Variants in ABI1 observed in about 807,000 individuals in gnomAD.
ABI1 encodes the protein Abelson interactor 1.
Under a neutral mutation model 54.6 loss-of-function variants are expected in ABI1, and 14 were observed. The ratio of observed to expected loss-of-function variants is 0.26; its 90% CI spans 0.17 to 0.40. ABI1 has a LOEUF of 0.40. Ranked by LOEUF, ABI1 falls within the 10% of genes least tolerant of loss-of-function variation. The probability of loss-of-function intolerance (pLI) is 1.00; values close to 1 mark genes in which losing one functional copy is unlikely to be tolerated. For missense variants in ABI1, 443 were observed against 598.3 expected (o/e 0.74, Z 2.71); for synonymous variants, 194 against 209.3 (o/e 0.93, Z 0.63).
chr10:26,849,165 T>G (rs1392554764), intron 1 of ABI1, among the ~76,000 whole-genome samples: 1 of 152,168 alleles, frequency 6.6e-6, no homozygotes, highest in Admixed American at 6.5e-5. Context: ...ACTACTAATG[T>G]TATTTGCTTT....
At chr10:26,770,563 A>C (rs778603847) in intron 4 of ABI1, 2 of 712,114 alleles carry the variant, frequency 2.8e-6, no homozygotes, top group Non-Finnish European at 5.2e-6. Flanking sequence ...AGCCAAATAC[A>C]GGTGAGATGA....
chr10:26,761,432 A>T (rs1177795505), intron 7 of ABI1, among the ~76,000 whole-genome samples: 2 of 151,388 alleles, frequency 1.3e-5, no homozygotes, highest in Non-Finnish European at 2.9e-5. Flanking sequence ...ACTTATATGC[A>T]TAATTATATG....
At chr10:26,767,717 A>AC (rs1840129264) in intron 6 of ABI1, among the ~76,000 whole-genome samples, 1 of 152,032 alleles carries the variant, frequency 6.6e-6, no homozygotes, top group Non-Finnish European at 1.5e-5. Flanking sequence ...ATTTTTAAAA[A>AC]CCCACCGGGT....
chr10:26,807,431 A>T (rs1373843006), intron 2 of ABI1, among the ~76,000 whole-genome samples: 2 of 152,126 alleles, frequency 1.3e-5, no homozygotes, highest in Non-Finnish European at 2.9e-5. Flanking sequence ...GCAGTGAACC[A>T]TAATCACACC....
At chr10:26,853,258 A>G (rs1374733137) in intron 1 of ABI1, among the ~76,000 whole-genome samples, 1 of 139,882 alleles carries the variant, frequency 7.1e-6, no homozygotes, top group Non-Finnish European at 1.5e-5. Flanking sequence ...AAAAAAATCC[A>G]GTAATTGCTA....
chr10:26,796,809 G>A (rs1011662891), intron 2 of ABI1, among the ~76,000 whole-genome samples: 4 of 152,150 alleles, frequency 2.6e-5, no homozygotes, highest in Non-Finnish European at 4.4e-5. Flanking sequence ...AATTTTCCAC[G>A]CACTGGGGAG....
At chr10:26,841,399 CTTTTT>C (rs34398117) in intron 1 of ABI1, among the ~76,000 whole-genome samples, 2 of 140,296 alleles carry the variant, frequency 1.4e-5, no homozygotes, top group Non-Finnish European at 3.1e-5. Flanking sequence ...ACATAGTTAC[CTTTTT>C]TTTTTTTTTT....
chr10:26,806,490 T>C (rs1327691573), intron 2 of ABI1, among the ~76,000 whole-genome samples: 2 of 152,148 alleles, frequency 1.3e-5, no homozygotes, highest in African/African-American at 4.8e-5. Flanking sequence ...GTCACCAGGT[T>C]TGTGGGTGTC....
At chr10:26,811,973 G>C (rs1564529588) in intron 2 of ABI1, among the ~76,000 whole-genome samples, 1 of 151,956 alleles carries the variant, frequency 6.6e-6, no homozygotes, top group Non-Finnish European at 1.5e-5. Context: ...CTCAGGAGGG[G>C]GTGTTCACTT....
At chr10:26,761,774 G>A (rs1439783199) in intron 7 of ABI1, among the ~76,000 whole-genome samples, 1 of 149,680 alleles carries the variant, frequency 6.7e-6, no homozygotes, top group Admixed American at 6.7e-5. Flanking sequence ...CTTTTTCCTT[G>A]ATAATATTTT....
At chr10:26,818,050 C>CCGGGAGGCTGAGG (rs1207353323) in intron 2 of ABI1, among the ~76,000 whole-genome samples, 1 of 149,946 alleles carries the variant, frequency 6.7e-6, no homozygotes, top group African/African-American at 2.5e-5. Context: ...TCCCAGCTAC[C>CCGGGAGGCTGAGG]CGGGAGGCTG....
At chr10:26,827,605 T>TC (rs1343807778) in intron 1 of ABI1, among the ~76,000 whole-genome samples, 1 of 150,494 alleles carries the variant, frequency 6.6e-6, no homozygotes, top group Non-Finnish European at 1.5e-5. Flanking sequence ...TGTTTTTTTT[T>TC]TTTTTGAGAT....
At chr10:26,850,657 CA>C (rs560840432) in intron 1 of ABI1, among the ~76,000 whole-genome samples, 32,813 of 101,272 alleles carry the variant, frequency 0.32, 3,958 homozygotes, top group South Asian at 0.51. Flanking sequence ...GACTCCGTCT[CA>C]AAAAAAAAAA....
At chr10:26,838,901 C>T (rs757790227) in intron 1 of ABI1, among the ~76,000 whole-genome samples, 25 of 152,194 alleles carry the variant, frequency 1.6e-4, no homozygotes, top group Non-Finnish European at 2.9e-4. Flanking sequence ...GCCACACTGC[C>T]TCCATTTATA....
At chr10:26,752,478 C>A (rs1837762399) in intron 9 of ABI1, among the ~76,000 whole-genome samples, 1 of 151,832 alleles carries the variant, frequency 6.6e-6, no homozygotes, top group African/African-American at 2.4e-5. Context: ...AGAAAGCAAG[C>A]TAAAATTTTG....
At chr10:26,797,332 T>A (rs753523315) in intron 2 of ABI1, among the ~76,000 whole-genome samples, 1 of 152,194 alleles carries the variant, frequency 6.6e-6, no homozygotes, top group Non-Finnish European at 1.5e-5. Context: ...AATTCATAGG[T>A]GTTCATTTAT....
chr10:26,856,406 G>A (rs908169219), intron 1 of ABI1, among the ~76,000 whole-genome samples: 5 of 125,752 alleles, frequency 4.0e-5, no homozygotes, highest in African/African-American at 1.6e-4. Context: ...TTAATACCTC[G>A]GAACCTCTAA....
intron 2 of ABI1, among the ~76,000 whole-genome samples, chr10:26,796,692 G>A (rs1335775789): frequency 6.6e-6 from 1 of 152,186 alleles, no homozygotes; most frequent in Non-Finnish European, 1.5e-5. Context: ...TATGTGAAAT[G>A]ACAGATGTGT....
intron 2 of ABI1, among the ~76,000 whole-genome samples, chr10:26,821,922 A>C (rs2048011600): frequency 6.6e-6 from 1 of 152,200 alleles, no homozygotes; most frequent in African/African-American, 2.4e-5. Context: ...AAAAACAAAT[A>C]AACAGAATAG....
Sources: gnomAD v4.1 joint callset for allele counts (sites outside exome capture counted in the v4.1 genomes callset) on GRCh38, gnomAD v4.1.1 for gene constraint, MANE v1.5 for transcripts, NCBI Gene and HGNC (gene_info 2026-07-23, HGNC 2026-07-21) for gene names.